CCDC170: variants seen among roughly 807,000 people sequenced by gnomAD.
The protein encoded by CCDC170 is coiled-coil domain-containing protein 170.
A neutral mutation model predicts 72.6 loss-of-function variants in CCDC170; 69 were observed. The ratio of observed to expected loss-of-function variants is 0.95; its 90% CI spans 0.78 to 1.16. The LOEUF (loss-of-function observed/expected upper bound fraction) is 1.16. Ranked by LOEUF, CCDC170 falls within the 50% of genes most tolerant of loss-of-function variation. CCDC170 has a pLI of 0.00. For synonymous variants in CCDC170, 300 were observed against 303.9 expected, an observed-to-expected ratio of 0.99 and a Z score of 0.13; for missense variants, 852 against 832.5, an observed-to-expected ratio of 1.02 and a Z score of -0.29.
At chr6:151,579,431 G>A (rs1355870488) in intron 6 of CCDC170, among the ~76,000 whole-genome samples, 2 of 152,198 alleles carry the variant, frequency 1.3e-5, no homozygotes, top group Non-Finnish European at 2.9e-5. Context: ...TACGTTCTGT[G>A]ATCTGATAGA....
chr6:151,538,445 T>C, intron 3 of CCDC170, 144 bp downstream of exon 3: 1 of 806,028 alleles, frequency 1.2e-6, no homozygotes, highest in Non-Finnish European at 1.9e-6. Context: ...ACCTCAAATA[T>C]CTTTGGAGTC....
chr6:151,533,052 C>CTTT (rs58383930), intron 1 of CCDC170, among the ~76,000 whole-genome samples: 4 of 118,038 alleles, frequency 3.4e-5, no homozygotes, highest in Admixed American at 8.4e-5. Flanking sequence ...GACTATTTCT[C>CTTT]TTTTTTTTTT....
At chr6:151,577,167 G>C (rs1377871994) in intron 6 of CCDC170, among the ~76,000 whole-genome samples, 1 of 152,104 alleles carries the variant, frequency 6.6e-6, no homozygotes, top group Non-Finnish European at 1.5e-5. Flanking sequence ...TTTTGGACTG[G>C]ATAATTTTTT....
chr6:151,596,306 A>G, intron 8 of CCDC170, 29 bp from the exon 9 acceptor site: 1 of 1,568,834 alleles, frequency 6.4e-7, no homozygotes. Flanking sequence ...CAATTATTAA[A>G]AAAAAAATCC....
chr6:151,527,606 A>G (rs1782430281), intron 1 of CCDC170, among the ~76,000 whole-genome samples: 1 of 152,160 alleles, frequency 6.6e-6, no homozygotes, highest in Admixed American at 6.5e-5. Context: ...AAACATGGAC[A>G]GTAGGGGAGA....
At chr6:151,506,282 T>C (rs1782065849) in intron 1 of CCDC170, among the ~76,000 whole-genome samples, 1 of 152,226 alleles carries the variant, frequency 6.6e-6, no homozygotes, top group Non-Finnish European at 1.5e-5. Flanking sequence ...TTTTAGAGAA[T>C]AATTGCCAAG....
intron 9 of CCDC170, among the ~76,000 whole-genome samples, chr6:151,601,352 TG>T (rs1032463923): frequency 1.9e-4 from 29 of 152,118 alleles, no homozygotes; most frequent in African/African-American, 6.3e-4. Context: ...GGCATTTGGG[TG>T]GTGACACAGC....
intron 1 of CCDC170, among the ~76,000 whole-genome samples, chr6:151,533,914 C>T (rs958403644): frequency 9.9e-5 from 15 of 152,136 alleles, no homozygotes; most frequent in African/African-American, 3.6e-4. Flanking sequence ...GTCTGTTGGA[C>T]TCTGAGGGTG....
Position 151,536,438 on chromosome 6 carries a change from C to A in CCDC170, c.178C>A (p.Gln60Lys). The stretch of plus-strand genomic sequence containing the variant: ...AACTTTGGTCAAATTTGAATGTGCT[C>A]AGTCTGAGGTAAGATAATGCATTTC... ...AATLVKFECA[Q>K]SELQDLRSKM... Residue 60 changes from glutamine (Q) to lysine (K), a missense_variant, in exon 2 of 11, where the codon CAG (glutamine) becomes AAG (lysine). Gln to Lys is a moderately conservative substitution (Grantham distance 53). Coordinates refer to ENST00000239374, the MANE Select transcript of CCDC170 (RefSeq NM_025059.4). 1 of 1,613,934 alleles carries A rather than the reference C, an allele frequency of 6.2e-7. No individual in the cohort carries two copies. Among genetic ancestry groups the A allele is most frequent in the Non-Finnish European group, 8.5e-7 (1 of 1,179,942 alleles).
chr6:151,598,319 G>T (rs1460621242), intron 9 of CCDC170, among the ~76,000 whole-genome samples: 1 of 152,134 alleles, frequency 6.6e-6, no homozygotes, highest in Non-Finnish European at 1.5e-5. Flanking sequence ...AATCTTGGGG[G>T]CCTAGATTGC....
At chr6:151,531,491 C>A (rs766341706) in intron 1 of CCDC170, among the ~76,000 whole-genome samples, 5 of 152,224 alleles carry the variant, frequency 3.3e-5, no homozygotes, top group Middle Eastern at 3.4e-3. Flanking sequence ...GTAGTCCTAG[C>A]TACTCGAGGG....
chr6:151,504,422 T>C (rs1164786214), intron 1 of CCDC170, among the ~76,000 whole-genome samples: 4 of 149,592 alleles, frequency 2.7e-5, no homozygotes, highest in Non-Finnish European at 5.9e-5. Flanking sequence ...TAAATAAAAT[T>C]TTTACCAATT....
At chr6:151,503,089 A>G (rs190139166) in intron 1 of CCDC170, among the ~76,000 whole-genome samples, 21 of 152,200 alleles carry the variant, frequency 1.4e-4, no homozygotes, top group Admixed American at 1.4e-3. Flanking sequence ...AGGCAGGAGA[A>G]TTGCTTGAAA....
intron 1 of CCDC170, among the ~76,000 whole-genome samples, chr6:151,531,553 A>G (rs1052411778): frequency 6.6e-6 from 1 of 152,346 alleles, no homozygotes; most frequent in African/African-American, 2.4e-5. Flanking sequence ...TAAGTCTACC[A>G]TAATGTTTAG....
intron 4 of CCDC170, among the ~76,000 whole-genome samples, chr6:151,546,090 A>G (rs931821353): frequency 6.6e-6 from 1 of 152,096 alleles, no homozygotes; most frequent in African/African-American, 2.4e-5. Flanking sequence ...TCATGCAGCC[A>G]TTTTTGAAAA....
chr6:151,537,284 C>A (rs941966560), intron 2 of CCDC170, among the ~76,000 whole-genome samples: 1 of 152,104 alleles, frequency 6.6e-6, no homozygotes, highest in Admixed American at 6.5e-5. Flanking sequence ...TCTAGACTGG[C>A]CTGTGATTTC....
intron 1 of CCDC170, among the ~76,000 whole-genome samples, chr6:151,494,413 A>T (rs1252262358): frequency 1.3e-5 from 2 of 152,030 alleles, no homozygotes; most frequent in African/African-American, 4.8e-5. Flanking sequence ...AGGTTGTGCC[A>T]CTCTGCTTCT....
intron 9 of CCDC170, among the ~76,000 whole-genome samples, chr6:151,597,702 G>A (rs938613626): frequency 3.9e-5 from 6 of 152,212 alleles, no homozygotes; most frequent in Non-Finnish European, 7.3e-5. Context: ...CGAAGGCAGA[G>A]CAAAAAGAAA....
intron 5 of CCDC170, among the ~76,000 whole-genome samples, chr6:151,570,695 G>A (rs1776204989): frequency 6.6e-6 from 1 of 152,126 alleles, no homozygotes; most frequent in Admixed American, 6.5e-5. Flanking sequence ...AGTAAAATAT[G>A]CCCCAATTTA....
Sources: allele counts gnomAD v4.1 joint callset (sites outside exome capture counted in the v4.1 genomes callset), GRCh38; gene constraint gnomAD v4.1.1; transcripts MANE v1.5; gene names NCBI Gene and HGNC (gene_info 2026-07-23, HGNC 2026-07-21).